ATP6V1C2: variants seen among roughly 807,000 people sequenced by gnomAD.
ATP6V1C2 encodes V-type proton ATPase subunit C 2.
ATP6V1C2 carries 45 observed loss-of-function variants against 56.8 expected under a neutral mutation model. The observed-to-expected ratio is 0.79, with a 90% CI of 0.62 to 1.02. The LOEUF is 1.02. Among genes scored for constraint, ATP6V1C2 ranks in the 50% least tolerant of loss-of-function variants. The pLI is 0.00. For synonymous variants in ATP6V1C2, 220 were observed against 201.3 expected, an observed-to-expected ratio of 1.09 and a Z score of -0.79; for missense variants, 463 against 519.7, an observed-to-expected ratio of 0.89 and a Z score of 1.06.
At position 10,777,712 on chromosome 2, in the gene ATP6V1C2, G is replaced by A; in HGVS notation, c.953G>A (p.Gly318Asp). The change falls in exon 11 of 14, where the codon GGC (glycine) becomes GAC (aspartate). Residue 318 changes from glycine to aspartate, a missense_variant. By Grantham distance (94) the Gly-to-Asp change is moderately conservative. Transcript: ENST00000272238. ...GQTDRERESE[G>D]EGEGPLLRWL... Reference sequence around the variant, plus strand: ...ACCGACAGAGAGAGAGAGAGTGAGGGCGAGGGTGAGGTAAGCAACGCCCCG... The same window carrying A: ...ACCGACAGAGAGAGAGAGAGTGAGGACGAGGGTGAGGTAAGCAACGCCCCG... The A allele has an allele frequency of 1.2e-5, 19 of 1,612,050 alleles. No homozygotes were observed. The highest frequency in any genetic ancestry group is 1.6e-5 in the Non-Finnish European group (19 of 1,179,508).
At position 10,761,655 on chromosome 2, in the gene ATP6V1C2, G is replaced by C. The variant is rs537809501; in HGVS notation, c.284-2676G>C. Among the ~76,000 whole-genome samples, 99 of 152,314 alleles carry C rather than the reference G, an allele frequency of 6.5e-4. 1 individual carries two copies. Among genetic ancestry groups the C allele is most frequent in the African/African-American group, 2.3e-3 (96 of 41,574 alleles). On this transcript the variant is annotated intron_variant, in intron 4 of 13. Coordinates refer to ENST00000272238, the MANE Select transcript of ATP6V1C2 (RefSeq NM_001039362.2). ...GTTTCTCCTGAGGGCTCTCTGCCTG[G>C]CTTGTAGACGGCCACCTTCTTGCTG...
intron 12 of ATP6V1C2, 39 bp downstream of exon 12, chr2:10,778,708 G>A: frequency 6.2e-7 from 1 of 1,601,862 alleles, no homozygotes; most frequent in Non-Finnish European, 8.6e-7. Context: ...CTGTCCTGAG[G>A]ATGGGCAGGG....
chr2:10,733,429 C>T (rs1287549462), intron 3 of ATP6V1C2, among the ~76,000 whole-genome samples: 3 of 152,100 alleles, frequency 2.0e-5, no homozygotes, highest in Non-Finnish European at 4.4e-5. Flanking sequence ...AAGGCACAAG[C>T]GTTTTCAGGG....
intron 3 of ATP6V1C2, among the ~76,000 whole-genome samples, chr2:10,739,270 C>T (rs1474852837): frequency 6.6e-6 from 1 of 151,256 alleles, no homozygotes; most frequent in East Asian, 1.9e-4. Flanking sequence ...GCAATAAGAG[C>T]AAAACTCCGT....
rs1168757276 is a variant in ATP6V1C2 at position 10,779,685 on chromosome 2, T to TGGAAA, written c.1061+1016_1061+1017insGGAAA. 1.3e-4 allele frequency among the ~76,000 whole-genome samples: 11 copies of TGGAAA among 87,066 alleles called. 1 individual carries two copies. The highest frequency in any genetic ancestry group is 3.7e-4 in the South Asian group (1 of 2,726). 57.1% of individuals were successfully genotyped at this position (87,066 alleles called of 152,430 possible). On this transcript the variant is annotated intron_variant, in intron 12 of 13. Coordinates refer to ENST00000272238, the MANE Select transcript of ATP6V1C2 (RefSeq NM_001039362.2). ...TGGGCAACAAGAGAAACTCCGGCTA[T>TGGAAA]AGAAAAAAAAAAAAAAAAAAAACTT...
At chr2:10,781,485 A>C (rs1165252682) in intron 12 of ATP6V1C2, among the ~76,000 whole-genome samples, 1 of 152,154 alleles carries the variant, frequency 6.6e-6, no homozygotes, top group Non-Finnish European at 1.5e-5. Flanking sequence ...CTCAAAAAAA[A>C]AAATAGATAA....
intron 4 of ATP6V1C2, among the ~76,000 whole-genome samples, chr2:10,761,932 GT>G (rs1439414032): frequency 6.6e-6 from 1 of 152,226 alleles, no homozygotes; most frequent in Admixed American, 6.5e-5. Flanking sequence ...TCTGAGTTTG[GT>G]TGCCGGGCAG....
At chr2:10,736,164 CG>C (rs1662233584) in intron 3 of ATP6V1C2, among the ~76,000 whole-genome samples, 1 of 152,022 alleles carries the variant, frequency 6.6e-6, no homozygotes, top group Non-Finnish European at 1.5e-5. Flanking sequence ...TGCATTTCTA[CG>C]AGTTCCCAGG....
chr2:10,771,769 G>GGT (rs2148498097), intron 6 of ATP6V1C2, 70 bp from the exon 7 acceptor site: 2 of 1,234,584 alleles, frequency 1.6e-6, no homozygotes, highest in Non-Finnish European at 2.4e-6. Flanking sequence ...CCCGGGTGTG[G>GGT]GTGTGTGTGG....
intron 3 of ATP6V1C2, among the ~76,000 whole-genome samples, chr2:10,745,636 C>T (rs551434893): frequency 9.1e-4 from 138 of 152,242 alleles, no homozygotes; most frequent in African/African-American, 3.1e-3. Flanking sequence ...CCACCACGCC[C>T]GGCCAACCAT....
chr2:10,744,971 T>C (rs1474307334), intron 3 of ATP6V1C2, among the ~76,000 whole-genome samples: 1 of 151,764 alleles, frequency 6.6e-6, no homozygotes, highest in Non-Finnish European at 1.5e-5. Flanking sequence ...ACCCGGCCTA[T>C]TTTTAAGAAT....
chr2:10,741,892 CTCCTTCCTTCCTTCCTTCCT>C lies in ATP6V1C2; in HGVS notation c.198-12069_198-12050del, dbSNP rs56236466. 3.9e-4 allele frequency among the ~76,000 whole-genome samples: 56 copies of C among 144,188 alleles called. 1 individual carries two copies. The Middle Eastern group carries it at 0.017, about 45-fold the overall frequency. The allele number at this position is 144,188 out of a possible 152,430, so 94.6% of individuals were successfully genotyped here. ...GGTTCCTCCCTCCCTCCCTCCTTCCCTCCTTCCTTCCTTCCTTCCTTCCTTCCTTCCTTCCTTCCATGGAG... is the reference window on the plus strand; with the variant it reads ...GGTTCCTCCCTCCCTCCCTCCTTCCCTCCTTCCTTCCTTCCTTCCATGGAG... On this transcript the variant is annotated intron_variant, in intron 3 of 13. Transcript: ENST00000272238.
chr2:10,778,430 C>T lies in ATP6V1C2; in HGVS notation c.964-142C>T, dbSNP rs543019425. 8.8e-5 allele frequency: 65 copies of T among 734,822 alleles called. No individual in the cohort carries two copies. In the African/African-American group the frequency reaches 1.1e-3, roughly 12 times the overall value. 45.5% of individuals were successfully genotyped at this position (734,822 alleles called of 1,614,324 possible). A position where few individuals can be genotyped will look rare whatever the true frequency, so the allele number is the denominator to read the frequency against. On this transcript the variant is annotated intron_variant, in intron 11 of 13. Coordinates refer to ENST00000272238, the MANE Select transcript of ATP6V1C2 (RefSeq NM_001039362.2). ...TCGAGGTCCTGAGCCTGACCCAGGG[C>T]TGGTCTGACCGACTCTCTGCTTCTG...
intron 4 of ATP6V1C2, among the ~76,000 whole-genome samples, 160 bp from the exon 5 acceptor site, chr2:10,764,171 C>T (rs182485034): frequency 2.0e-5 from 3 of 152,318 alleles, no homozygotes; most frequent in African/African-American, 4.8e-5. Context: ...CCCGCTCCCG[C>T]AGGGAACGTT....
chr2:10,726,605 A>G, intron 3 of ATP6V1C2, 36 bp downstream of exon 3: 3 of 1,557,368 alleles, frequency 1.9e-6, no homozygotes, highest in Non-Finnish European at 2.7e-6. Context: ...ACAAGTGAGA[A>G]TTTGACATTG....
intron 3 of ATP6V1C2, among the ~76,000 whole-genome samples, chr2:10,753,051 TTGGCAGAGTTG>T (rs1178883284): frequency 1.3e-5 from 2 of 152,156 alleles, no homozygotes; most frequent in Non-Finnish European, 2.9e-5. Flanking sequence ...CATTTGGTAA[TTGGCAGAGTTG>T]TGGCCAATTT....
chr2:10,735,223 G>A (rs1041034922), intron 3 of ATP6V1C2, among the ~76,000 whole-genome samples: 1 of 152,074 alleles, frequency 6.6e-6, no homozygotes, highest in Non-Finnish European at 1.5e-5. Flanking sequence ...AGGCTGGAGT[G>A]CAGTAGCATG....
chr2:10,725,363 C>T (rs895868522), intron 2 of ATP6V1C2, among the ~76,000 whole-genome samples: 10 of 150,106 alleles, frequency 6.7e-5, no homozygotes, highest in African/African-American at 2.2e-4. Flanking sequence ...TGCAGTGAGC[C>T]GAGATCTCAA....
At position 10,754,086 on chromosome 2, in the gene ATP6V1C2, G is replaced by A; in HGVS notation, c.283+20G>A. On this transcript the variant is annotated intron_variant, in intron 4 of 13. Transcript: ENST00000272238. The stretch of plus-strand genomic sequence containing the variant: ...ACGGAGGTAGGTAGGGCGGCCCTCT[G>A]ATGTGGAGCACAATCTCCCCGCTCC... The A allele has an allele frequency of 6.3e-7, 1 of 1,578,962 alleles. No homozygotes were observed. The highest frequency in any genetic ancestry group is 8.6e-7 in the Non-Finnish European group (1 of 1,159,190).
Sources: gnomAD v4.1 joint callset for allele counts (sites outside exome capture counted in the v4.1 genomes callset) on GRCh38, gnomAD v4.1.1 for gene constraint, MANE v1.5 for transcripts, NCBI Gene and HGNC (gene_info 2026-07-23, HGNC 2026-07-21) for gene names.